Variants in PDLIM5 observed in about 807,000 individuals in gnomAD.
PDLIM5 encodes PDZ and LIM domain 5.
PDLIM5 carries 34 observed loss-of-function variants against 64.2 expected under a neutral mutation model. The ratio of observed to expected loss-of-function variants is 0.53; its 90% CI spans 0.40 to 0.71. PDLIM5 has a LOEUF of 0.71. Ranked by LOEUF, PDLIM5 falls within the 30% of genes least tolerant of loss-of-function variation. The probability of loss-of-function intolerance (pLI) is 0.00; values close to 1 mark genes in which losing one functional copy is unlikely to be tolerated. For synonymous variants in PDLIM5, 253 were observed against 269.1 expected, an observed-to-expected ratio of 0.94 and a Z score of 0.59; for missense variants, 683 against 733.6, an observed-to-expected ratio of 0.93 and a Z score of 0.80.
At chr4:94,645,727 T>C (rs1741362314) in intron 9 of PDLIM5, among the ~76,000 whole-genome samples, 1 of 152,176 alleles carries the variant, frequency 6.6e-6, no homozygotes, top group Non-Finnish European at 1.5e-5. Context: ...AGATTGGATG[T>C]GATGTTTATT....
At chr4:94,555,624 T>A (rs1319382966) in intron 3 of PDLIM5, among the ~76,000 whole-genome samples, 1 of 152,122 alleles carries the variant, frequency 6.6e-6, no homozygotes, top group Non-Finnish European at 1.5e-5. Context: ...AATAGTGAGA[T>A]AAATTGTTAA....
At chr4:94,561,447 T>G (rs1733835876) in intron 3 of PDLIM5, among the ~76,000 whole-genome samples, 1 of 152,224 alleles carries the variant, frequency 6.6e-6, no homozygotes, top group Admixed American at 6.5e-5. Flanking sequence ...GAGAAACGGA[T>G]CATTATCTTG....
intron 7 of PDLIM5, among the ~76,000 whole-genome samples, chr4:94,598,622 T>C (rs900097107): frequency 3.3e-5 from 5 of 152,118 alleles, no homozygotes; most frequent in Non-Finnish European, 7.4e-5. Flanking sequence ...AACAAATGTT[T>C]ATGAGGCACT....
chr4:94,587,118 C>A (rs748009305), intron 7 of PDLIM5: 21 of 1,570,592 alleles, frequency 1.3e-5, no homozygotes, highest in Non-Finnish European at 1.5e-5. Context: ...CCAGCACATA[C>A]CTTTTCATTT....
chr4:94,453,392 C>T (rs1417686850), intron 1 of PDLIM5, among the ~76,000 whole-genome samples: 1 of 152,130 alleles, frequency 6.6e-6, no homozygotes, highest in Non-Finnish European at 1.5e-5. Flanking sequence ...AATGAAATGA[C>T]ACTGGTTTTG....
At chr4:94,500,074 A>G (rs913763758) in intron 2 of PDLIM5, among the ~76,000 whole-genome samples, 3 of 152,294 alleles carry the variant, frequency 2.0e-5, no homozygotes, top group Non-Finnish European at 2.9e-5. Context: ...CTTGGAACCA[A>G]TCCCCTGAGG....
At chr4:94,594,521 AATAATAT>A (rs1736915402) in intron 7 of PDLIM5, among the ~76,000 whole-genome samples, 1 of 152,086 alleles carries the variant, frequency 6.6e-6, no homozygotes, top group Non-Finnish European at 1.5e-5. Flanking sequence ...GAAAGTTATT[AATAATAT>A]ATGGCCTACC....
intron 8 of PDLIM5, among the ~76,000 whole-genome samples, chr4:94,637,298 T>C (rs1740649679): frequency 1.3e-5 from 2 of 152,160 alleles, no homozygotes; most frequent in African/African-American, 4.8e-5. Flanking sequence ...TGGTGGCTGA[T>C]GCCTGTGGTC....
At chr4:94,538,618 CT>C (rs1731516273) in intron 3 of PDLIM5, among the ~76,000 whole-genome samples, 1 of 152,188 alleles carries the variant, frequency 6.6e-6, no homozygotes, top group Admixed American at 6.5e-5. Context: ...CTGTCAGTAT[CT>C]TATGCTGAGA....
At chr4:94,491,483 T>C (rs1726868694) in intron 2 of PDLIM5, among the ~76,000 whole-genome samples, 1 of 152,118 alleles carries the variant, frequency 6.6e-6, no homozygotes, top group Non-Finnish European at 1.5e-5. Flanking sequence ...TTTTAGGGCC[T>C]TGTTAACTGG....
intron 3 of PDLIM5, among the ~76,000 whole-genome samples, chr4:94,560,098 T>C (rs1016402492): frequency 6.6e-6 from 1 of 152,186 alleles, no homozygotes; most frequent in Non-Finnish European, 1.5e-5. Context: ...AACATTGCCT[T>C]TGGGGACAAA....
At chr4:94,560,902 G>A (rs2510768) in intron 3 of PDLIM5, among the ~76,000 whole-genome samples, 93,385 of 151,836 alleles carry the variant, frequency 0.62, 31,143 homozygotes, top group African/African-American at 0.89. Flanking sequence ...AATTTTCTGT[G>A]TTTTTAGTAG....
At chr4:94,540,112 G>T (rs184270549) in intron 3 of PDLIM5, among the ~76,000 whole-genome samples, 25 of 151,146 alleles carry the variant, frequency 1.7e-4, no homozygotes, top group Middle Eastern at 3.4e-3. Flanking sequence ...ACTCTGTGAG[G>T]CATAGATGCT....
intron 2 of PDLIM5, among the ~76,000 whole-genome samples, chr4:94,507,317 T>C (rs1333805764): frequency 1.3e-5 from 2 of 152,126 alleles, no homozygotes; most frequent in East Asian, 3.9e-4. Flanking sequence ...CATGTCCTTC[T>C]CACATGCAAA....
At chr4:94,560,264 A>C (rs1039133545) in intron 3 of PDLIM5, among the ~76,000 whole-genome samples, 12 of 152,202 alleles carry the variant, frequency 7.9e-5, no homozygotes, top group African/African-American at 2.7e-4. Flanking sequence ...ACAGAAACTA[A>C]TGTAGCTGCC....
At chr4:94,604,725 A>C (rs766968878) in intron 7 of PDLIM5, among the ~76,000 whole-genome samples, 4 of 152,184 alleles carry the variant, frequency 2.6e-5, no homozygotes, top group Non-Finnish European at 4.4e-5. Flanking sequence ...GTAGTTGTTC[A>C]ATGGGTATAG....
chr4:94,547,538 G>A (rs1732427964), intron 3 of PDLIM5, among the ~76,000 whole-genome samples: 1 of 152,068 alleles, frequency 6.6e-6, no homozygotes, highest in Non-Finnish European at 1.5e-5. Context: ...CATCTAATTA[G>A]CAGCCTTAAT....
At chr4:94,601,209 T>C (rs562893529) in intron 7 of PDLIM5, among the ~76,000 whole-genome samples, 6 of 152,190 alleles carry the variant, frequency 3.9e-5, no homozygotes, top group Non-Finnish European at 5.9e-5. Context: ...GTACACTCAG[T>C]GTCTGGTGAG....
At chr4:94,566,800 A>G (rs1734359954) in intron 3 of PDLIM5, among the ~76,000 whole-genome samples, 1 of 152,186 alleles carries the variant, frequency 6.6e-6, no homozygotes, top group African/African-American at 2.4e-5. Context: ...CAGATTATGA[A>G]TTGTGCTTGC....
Sources: allele counts gnomAD v4.1 joint callset (sites outside exome capture counted in the v4.1 genomes callset), GRCh38; gene constraint gnomAD v4.1.1; transcripts MANE v1.5; gene names NCBI Gene and HGNC (gene_info 2026-07-23, HGNC 2026-07-21).